PFAS: variants seen among roughly 807,000 people sequenced by gnomAD.
PFAS encodes the protein phosphoribosylformylglycinamidine synthase, also known as FGAM synthase.
Under a neutral mutation model 140.6 loss-of-function variants are expected in PFAS, and 97 were observed. The observed-to-expected ratio is 0.69, with a 90% CI of 0.59 to 0.82. The LOEUF is 0.82. PFAS is among the 40% of genes least tolerant of loss of function. The pLI, the probability that PFAS is intolerant of heterozygous loss-of-function variation, is 0.00. For missense variants in PFAS, 1,656 were observed against 1,780.2 expected (o/e 0.93, Z 1.26); for synonymous variants, 679 against 718.8 (o/e 0.94, Z 0.88).
chr17:8,265,499 A>G (rs773087574), intron 19 of PFAS, 31 bp downstream of exon 19: 2 of 1,613,084 alleles, frequency 1.2e-6, no homozygotes, highest in Non-Finnish European at 1.7e-6. Context: ...GGAGGGGAGG[A>G]GGAACTATGG....
chr17:8,264,747 C>T, intron 17 of PFAS, 146 bp downstream of exon 17: 4 of 1,024,270 alleles, frequency 3.9e-6, no homozygotes, highest in South Asian at 1.6e-5. Flanking sequence ...ATGGCCTGGT[C>T]TCCCTGCTAC....
intron 11 of PFAS, among the ~76,000 whole-genome samples, chr17:8,259,318 T>C (rs1206851468): frequency 6.6e-6 from 1 of 152,070 alleles, no homozygotes; most frequent in Non-Finnish European, 1.5e-5. Flanking sequence ...TCACCCAGGC[T>C]GAAGAACAGT....
chr17:8,263,216 C>T lies in PFAS; in HGVS notation c.1518C>T (p.Pro506=). The change falls in exon 13 of 28, where the codon CCC becomes CCT. Residue 506 remains proline (P), a synonymous_variant. Transcript: ENST00000314666. ...TGATCAGGGCTTGTGTGGAGGCCCC[C>T]AAGGGAAACCCCATCTGCAGCCTTC... ...NRVIRACVEA[P]KGNPICSLHD... 6.2e-7 allele frequency: 1 copy of T among 1,614,100 alleles called. No homozygotes were observed. Among genetic ancestry groups the T allele is most frequent in the Non-Finnish European group, 8.5e-7 (1 of 1,179,996 alleles).
chr17:8,265,678 G>A (rs755401483), intron 20 of PFAS, 39 bp downstream of exon 20: 14 of 1,576,800 alleles, frequency 8.9e-6, no homozygotes, highest in Non-Finnish European at 1.1e-5. Context: ...CTTTGCTTGT[G>A]TGATCTTTGT....
upstream of PFAS, chr17:8,248,087 G>A (rs1343668999): frequency 2.3e-6 from 3 of 1,281,250 alleles, no homozygotes; most frequent in African/African-American, 1.5e-5. Context: ...CTTGGGGGTG[G>A]GGATGGGGGT....
At chr17:8,264,667 C>G (rs1989738383) in intron 17 of PFAS, 66 bp downstream of exon 17, 5 of 1,495,656 alleles carry the variant, frequency 3.3e-6, no homozygotes, top group Non-Finnish European at 4.5e-6. Flanking sequence ...TGCCCTCCCA[C>G]CCTTAGAAAG....
Position 8,266,906 on chromosome 17 carries a change from A to G in PFAS, c.2967+8A>G. On this transcript the variant is annotated splice_region_variant and intron_variant, in intron 23 of 27. Coordinates refer to ENST00000314666, the MANE Select transcript of PFAS (RefSeq NM_012393.3). The surrounding 1 kb of genome is among the most constrained non-coding windows in gnomAD (Gnocchi z 5.0). The stretch of plus-strand genomic sequence containing the variant: ...GCCGGGCCCCACGCCATGGTGAGGA[A>G]GTGAGGGAGAGAGCGGTGTGCAGTG... 6.2e-7 allele frequency: 1 copy of G among 1,601,302 alleles called. No homozygotes were observed. Among genetic ancestry groups the G allele is most frequent in the Non-Finnish European group, 8.5e-7 (1 of 1,176,920 alleles).
chr17:8,248,158 C>T (rs9900397), upstream of PFAS: 69,925 of 743,702 alleles, frequency 0.094, 7,166 homozygotes, highest in East Asian at 0.34. Flanking sequence ...AGCTCCTTCT[C>T]GCTGCTCACC....
intron 6 of PFAS, 78 bp from the exon 7 acceptor site, chr17:8,256,189 A>T (rs1311367310): frequency 4.2e-6 from 6 of 1,421,042 alleles, no homozygotes; most frequent in Non-Finnish European, 4.8e-6. Flanking sequence ...TCTGCTGTTA[A>T]ATGCTGGTGA....
rs1362827734 is a variant in PFAS at position 8,264,230 on chromosome 17, C to T, written c.1810C>T (p.Arg604Trp). ...TCTATAGATAGTGCTGGTGGACGAT[C>T]GGGAGTGTCCTGTCAGAAGAAATGG... ...GDRRIVLVDD[R>W]ECPVRRNGQG... The change falls in exon 16 of 28, where the codon CGG becomes TGG. Residue 604 changes from arginine (R) to tryptophan (W), a missense_variant. Physicochemically the swap from Arg to Trp is moderately radical, Grantham distance 101 (BLOSUM62 -3). Coordinates refer to ENST00000314666, the MANE Select transcript of PFAS (RefSeq NM_012393.3). 4.3e-6 allele frequency: 7 copies of T among 1,614,056 alleles called. No homozygotes were observed. In the South Asian group the frequency reaches 5.5e-5, roughly 13 times the overall value.
At position 8,267,668 on chromosome 17, in the gene PFAS, C is replaced by A. The variant is rs754276594; in HGVS notation, c.3382+3C>A. 4.6e-6 allele frequency: 7 copies of A among 1,522,048 alleles called. No homozygotes were observed. In the South Asian group the frequency reaches 5.7e-5, roughly 12 times the overall value. 94.3% of individuals were successfully genotyped at this position (1,522,048 alleles called of 1,614,324 possible). On this transcript the variant is annotated splice_donor_region_variant and intron_variant, in intron 26 of 27. Transcript: ENST00000314666. The surrounding 1 kb of genome is among the most constrained non-coding windows in gnomAD (Gnocchi z 4.9). ...AGATGTCCTGGGCTCTGCCAAAGGTCAGTGTGCAGGCTTCTGCCCACTCCC... is the reference window on the plus strand; with the variant it reads ...AGATGTCCTGGGCTCTGCCAAAGGTAAGTGTGCAGGCTTCTGCCCACTCCC...
intron 15 of PFAS, 37 bp from the exon 16 acceptor site, chr17:8,264,175 T>G (rs1989712383): frequency 1.2e-6 from 2 of 1,611,264 alleles, no homozygotes; most frequent in African/African-American, 2.7e-5. Context: ...GTGTTCATAG[T>G]CTCATCCCCT....
In PFAS at chr17:8,269,359, CA is replaced by C. The variant is rs1597432884; in HGVS notation, c.*100del. On this transcript the variant is annotated 3_prime_UTR_variant, in exon 28 of 28. Coordinates refer to ENST00000314666, the MANE Select transcript of PFAS (RefSeq NM_012393.3). ...CTTCAGGAGCACCCCATATTATTTC[CA>C]AAAATATCTTGGACAGACAAGGACC... 29 of 870,648 alleles carry C rather than the reference CA, an allele frequency of 3.3e-5. No homozygotes were observed. In the East Asian group the frequency reaches 7.3e-4, roughly 22 times the overall value. The allele number at this position is 870,648 out of a possible 1,614,324, so 53.9% of individuals were successfully genotyped here.
intron 10 of PFAS, 50 bp from the exon 11 acceptor site, chr17:8,258,021 C>T (rs569492568): frequency 1.6e-5 from 26 of 1,612,714 alleles, no homozygotes; most frequent in East Asian, 4.5e-5. Flanking sequence ...TGCTATTGGG[C>T]GAGCACTGGG....
Position 8,265,595 on chromosome 17 carries a change from T to TCA in PFAS, c.2504_2505dup (p.Ala836GlnfsTer4). ...TCAGCCTATGCCGTCTGCCCAGACA[T>TCA]CACAGCCACTGTGACCCCAGACCTC... On this transcript the variant is annotated frameshift_variant, in exon 20 of 28. Coordinates refer to ENST00000314666, the MANE Select transcript of PFAS (RefSeq NM_012393.3). LOFTEE classifies it high-confidence loss of function. 6.2e-7 allele frequency: 1 copy of TCA among 1,614,100 alleles called. No homozygotes were observed. The highest frequency in any genetic ancestry group is 1.6e-4 in the Middle Eastern group (1 of 6,062).
intron 11 of PFAS, among the ~76,000 whole-genome samples, chr17:8,262,015 C>CA (rs112839541): frequency 0.022 from 2,884 of 134,080 alleles, 38 homozygotes; most frequent in Middle Eastern, 0.058. Context: ...GACCCCATCT[C>CA]AAAAAAAAAA....
chr17:8,264,869 CTT>C (rs2151592966), intron 17 of PFAS, 24 bp from the exon 18 acceptor site: 1 of 1,487,130 alleles, frequency 6.7e-7, no homozygotes, highest in South Asian at 1.2e-5. Context: ...CCCTTGCTCT[CTT>C]GCTAACCCCA....
At chr17:8,259,428 G>C (rs764323552) in intron 11 of PFAS, among the ~76,000 whole-genome samples, 4 of 151,846 alleles carry the variant, frequency 2.6e-5, no homozygotes, top group Non-Finnish European at 5.9e-5. Context: ...GAGCCATGGT[G>C]CCCAGCCAGA....
At chr17:8,260,712 C>A (rs1989558206) in intron 11 of PFAS, among the ~76,000 whole-genome samples, 1 of 152,234 alleles carries the variant, frequency 6.6e-6, no homozygotes. Flanking sequence ...GCAAGCCCCG[C>A]CTCCCGGGTT....
Sources: gnomAD v4.1 joint callset for allele counts (sites outside exome capture counted in the v4.1 genomes callset) on GRCh38, gnomAD v4.1.1 for gene constraint, Gnocchi (gnomAD v3.1) non-coding constraint, MANE v1.5 for transcripts, NCBI Gene and HGNC (gene_info 2026-07-23, HGNC 2026-07-21) for gene names.